DRC11: variants seen among roughly 807,000 people sequenced by gnomAD.
DRC11 encodes IQ and AAA domain-containing protein 1.
At chr2:236,389,379 A>C in the DRC11 span, among the ~76,000 whole-genome samples, 1 of 152,166 alleles carries the variant, frequency 6.6e-6, no homozygotes, top group African/African-American at 2.4e-5. Flanking sequence ...CCGTTTTTTA[A>C]GCCCGTCGGA....
the DRC11 span, among the ~76,000 whole-genome samples, chr2:236,424,050 G>T: frequency 2.5e-5 from 3 of 119,982 alleles, no homozygotes; most frequent in Admixed American, 1.0e-4. Flanking sequence ...GGGGCCTGTT[G>T]TGGGGTGGGG....
At chr2:236,464,791 G>C in the DRC11 span, among the ~76,000 whole-genome samples, 3 of 152,014 alleles carry the variant, frequency 2.0e-5, no homozygotes, top group East Asian at 5.8e-4. Context: ...GTGAGTTCTT[G>C]CAAGATCTGG....
At chr2:236,507,033 G>A in the DRC11 span, among the ~76,000 whole-genome samples, 298 of 152,320 alleles carry the variant, frequency 2.0e-3, no homozygotes, top group Non-Finnish European at 3.5e-3. Context: ...ACGCGTAGGG[G>A]AGGGGGAGAT....
the DRC11 span, among the ~76,000 whole-genome samples, chr2:236,393,468 A>G: frequency 6.6e-6 from 1 of 152,110 alleles, no homozygotes; most frequent in Non-Finnish European, 1.5e-5. The surrounding 1 kb of genome is among the most constrained non-coding windows in gnomAD (Gnocchi z 4.7). Flanking sequence ...CTCTAACTCT[A>G]CATTGGGAGG....
chr2:236,406,724 GA>G, the DRC11 span, among the ~76,000 whole-genome samples: 1 of 151,480 alleles, frequency 6.6e-6, no homozygotes, highest in African/African-American at 2.4e-5. The surrounding 1 kb of genome is among the most constrained non-coding windows in gnomAD (Gnocchi z 4.7). Context: ...AACTAAACTT[GA>G]AAAACAGATC....
chr2:236,392,438 T>A, the DRC11 span: 1 of 653,594 alleles, frequency 1.5e-6, no homozygotes, highest in Non-Finnish European at 2.5e-6. This position sits in a 1 kb window ranked among gnomAD's most constrained non-coding sequence, Gnocchi z 5.1. Flanking sequence ...GTAGGTTAAT[T>A]GTAAGTTATT....
At chr2:236,493,237 C>A in the DRC11 span, among the ~76,000 whole-genome samples, 1 of 152,280 alleles carries the variant, frequency 6.6e-6, no homozygotes, top group South Asian at 2.1e-4. Flanking sequence ...GAAAGACCCA[C>A]CTCCATGATT....
At chr2:236,358,364 AAT>A in the DRC11 span, among the ~76,000 whole-genome samples, 1,075 of 130,490 alleles carry the variant, frequency 8.2e-3, 10 homozygotes, top group African/African-American at 0.014. Flanking sequence ...ATGAATATAT[AAT>A]ATATAGATAT....
the DRC11 span, among the ~76,000 whole-genome samples, chr2:236,474,424 T>C: frequency 6.6e-6 from 1 of 152,182 alleles, no homozygotes; most frequent in African/African-American, 2.4e-5. Context: ...GACTTTAGCA[T>C]GAACAAACTG....
chr2:236,507,210 C>T, the DRC11 span: 2 of 1,607,428 alleles, frequency 1.2e-6, no homozygotes. Flanking sequence ...CACCTTCTGG[C>T]TTGGGGAAGC....
chr2:236,476,488 T>A, the DRC11 span, among the ~76,000 whole-genome samples: 1 of 152,240 alleles, frequency 6.6e-6, no homozygotes, highest in Non-Finnish European at 1.5e-5. The surrounding 1 kb of genome is among the most constrained non-coding windows in gnomAD (Gnocchi z 4.7). Context: ...TTCCTAGCTA[T>A]AAGATCACAT....
chr2:236,438,937 T>C, the DRC11 span, among the ~76,000 whole-genome samples: 1 of 149,116 alleles, frequency 6.7e-6, no homozygotes, highest in African/African-American at 2.5e-5. Flanking sequence ...CTCAACTACA[T>C]GGAAACTGAA....
At chr2:236,349,297 AG>A in the DRC11 span, among the ~76,000 whole-genome samples, 8 of 152,204 alleles carry the variant, frequency 5.3e-5, no homozygotes, top group Non-Finnish European at 1.0e-4. The surrounding 1 kb of genome is among the most constrained non-coding windows in gnomAD (Gnocchi z 5.5). Flanking sequence ...TTAAGTCAAA[AG>A]CTTCCCTACT....
chr2:236,364,304 T>G, the DRC11 span, among the ~76,000 whole-genome samples: 1 of 151,864 alleles, frequency 6.6e-6, no homozygotes, highest in South Asian at 2.1e-4. Context: ...GCTTTTTTTT[T>G]TTTTTTTTGA....
the DRC11 span, among the ~76,000 whole-genome samples, chr2:236,321,004 C>G: frequency 0.045 from 6,921 of 152,188 alleles, 229 homozygotes; most frequent in Middle Eastern, 0.068. Flanking sequence ...CTGACCTGCT[C>G]CGTGGATGAC....
At chr2:236,503,630 C>T in the DRC11 span, 1 of 1,550,472 alleles carries the variant, frequency 6.4e-7, no homozygotes, top group Non-Finnish European at 8.7e-7. This position sits in a 1 kb window ranked among gnomAD's most constrained non-coding sequence, Gnocchi z 4.9. Context: ...TGCATCATTA[C>T]CTGTTTTCCT....
the DRC11 span, among the ~76,000 whole-genome samples, chr2:236,498,363 G>T: frequency 1.3e-5 from 2 of 152,046 alleles, no homozygotes; most frequent in Admixed American, 1.3e-4. Context: ...TACTCAGGAG[G>T]CTGAGGCAGG....
chr2:236,367,886 C>T, the DRC11 span: 1 of 376,614 alleles, frequency 2.7e-6, no homozygotes, highest in Admixed American at 4.0e-5. The surrounding 1 kb of genome is among the most constrained non-coding windows in gnomAD (Gnocchi z 4.8). Context: ...CTAGCCCGTT[C>T]TCTAATTTGA....
At chr2:236,419,902 T>G in the DRC11 span, among the ~76,000 whole-genome samples, 1 of 152,238 alleles carries the variant, frequency 6.6e-6, no homozygotes, top group South Asian at 2.1e-4. The surrounding 1 kb of genome is among the most constrained non-coding windows in gnomAD (Gnocchi z 4.8). Context: ...CAGTGTTCAC[T>G]GAGCACTCAC....
Sources: gnomAD v4.1 joint callset for allele counts (sites outside exome capture counted in the v4.1 genomes callset) on GRCh38, gnomAD v4.1.1 for gene constraint, Gnocchi (gnomAD v3.1) non-coding constraint, MANE v1.5 for transcripts, NCBI Gene and HGNC (gene_info 2026-07-23, HGNC 2026-07-21) for gene names.